Variants in CHD6 observed in about 807,000 individuals in gnomAD.
CHD6 encodes the protein ATP-dependent chromatin remodeler CHD6.
Under a neutral mutation model 276.9 loss-of-function variants are expected in CHD6, and 50 were observed. The observed-to-expected ratio is 0.18, with a 90% CI of 0.14 to 0.23. The LOEUF (loss-of-function observed/expected upper bound fraction) is 0.23, where lower values mean the gene tolerates loss of function less well. CHD6 is among the 10% of genes least tolerant of loss of function. CHD6 has a pLI of 1.00. For synonymous variants in CHD6, 1,173 were observed against 1,229.3 expected (o/e 0.95, Z 0.96); for missense variants, 2,564 against 3,365.8 (o/e 0.76, Z 5.89).
At chr20:41,407,784 A>G (rs570039558) in intron 36 of CHD6, among the ~76,000 whole-genome samples, 1 of 152,336 alleles carries the variant, frequency 6.6e-6, no homozygotes, top group Admixed American at 6.5e-5. Flanking sequence ...TGTCAGAGGC[A>G]GCAGGGAAGG....
intron 8 of CHD6, among the ~76,000 whole-genome samples, chr20:41,494,798 C>A (rs960314313): frequency 1.3e-5 from 2 of 152,184 alleles, no homozygotes; most frequent in Non-Finnish European, 2.9e-5. Flanking sequence ...CCCTGGCAAG[C>A]CTCTCAGATT....
chr20:41,493,967 G>A lies in CHD6; in HGVS notation c.1093-23C>T, dbSNP rs567901180. 66 of 1,588,412 alleles carry A rather than the reference G, an allele frequency of 4.2e-5. No individual in the cohort carries two copies. In the South Asian group the frequency reaches 6.0e-4, roughly 14 times the overall value. On this transcript the variant is annotated intron_variant, in intron 8 of 36. Transcript: ENST00000373233. The stretch of plus-strand genomic sequence containing the variant: ...AGGCTAACACAAACAGAGGAGAACA[G>A]TTAGGAAGTATGTCCCCTTGCCTCA...
rs959059042 is a variant in CHD6 at position 41,402,639 on chromosome 20, A to C, written c.*1954T>G. 1 of 220,082 alleles carries C rather than the reference A, an allele frequency of 4.5e-6. No homozygotes were observed. The highest frequency in any genetic ancestry group is 2.2e-5 in the African/African-American group (1 of 44,524). 13.6% of individuals were successfully genotyped at this position (220,082 alleles called of 1,614,324 possible). On this transcript the variant is annotated 3_prime_UTR_variant, in exon 37 of 37. Transcript: ENST00000373233. ...TATTTTAAGGATTTAGGGCAAATAC[A>C]TTTTTTTTTCTACTTGATAAAAAGA...
chr20:41,475,867 G>A (rs1392444543), intron 16 of CHD6, among the ~76,000 whole-genome samples: 3 of 152,076 alleles, frequency 2.0e-5, no homozygotes, highest in South Asian at 2.1e-4. Flanking sequence ...TAGGGAAACC[G>A]TTCCCATAAA....
intron 30 of CHD6, among the ~76,000 whole-genome samples, chr20:41,423,115 A>C (rs2047249194): frequency 6.6e-6 from 1 of 152,250 alleles, no homozygotes; most frequent in South Asian, 2.1e-4. Flanking sequence ...GTGAGGAAAT[A>C]CTTAAAGTTA....
intron 23 of CHD6, among the ~76,000 whole-genome samples, chr20:41,450,344 A>G (rs1221790833): frequency 6.6e-6 from 1 of 152,210 alleles, no homozygotes; most frequent in African/African-American, 2.4e-5. Context: ...CAAGGGTCAG[A>G]TACATTGCAC....
intron 27 of CHD6, among the ~76,000 whole-genome samples, chr20:41,428,535 A>G (rs1262544684): frequency 6.6e-6 from 1 of 152,228 alleles, no homozygotes; most frequent in African/African-American, 2.4e-5. Context: ...CTGATTGGTT[A>G]CAATGTGCAA....
chr20:41,552,971 G>GC, intron 1 of CHD6, among the ~76,000 whole-genome samples: 1 of 152,308 alleles, frequency 6.6e-6, no homozygotes, highest in East Asian at 1.9e-4. Flanking sequence ...TTATTTACCT[G>GC]AAGAATCCAT....
chr20:41,527,192 C>G lies in CHD6; in HGVS notation c.554+5858G>C, dbSNP rs751437315. On this transcript the variant is annotated intron_variant, in intron 3 of 36. Transcript: ENST00000373233. ...ATGGCTCATGCCTGTAATCCCAGCACTTTAAGAGGCCAGGCAAGCAAATCA... is the reference window on the plus strand; with the variant it reads ...ATGGCTCATGCCTGTAATCCCAGCAGTTTAAGAGGCCAGGCAAGCAAATCA... Among the ~76,000 whole-genome samples the G allele has an allele frequency of 1.0e-3, 154 of 152,162 alleles. 2 individuals carry two copies. The highest frequency in any genetic ancestry group is 1.3e-3 in the Non-Finnish European group (88 of 68,034).
intron 1 of CHD6, among the ~76,000 whole-genome samples, chr20:41,581,998 T>C (rs2045545524): frequency 6.6e-6 from 1 of 152,194 alleles, no homozygotes. Flanking sequence ...CCTCACTTCT[T>C]ACTTGAGTGC....
chr20:41,481,120 A>AAAATAT (rs1555901068), intron 16 of CHD6, among the ~76,000 whole-genome samples: 62 of 150,212 alleles, frequency 4.1e-4, no homozygotes, highest in Middle Eastern at 3.4e-3. Context: ...AAGAAAAAAA[A>AAAATAT]ATATATATAT....
chr20:41,617,989 G>C (rs1317717941), intron 1 of CHD6, among the ~76,000 whole-genome samples: 1 of 145,362 alleles, frequency 6.9e-6, no homozygotes, highest in African/African-American at 2.5e-5. Context: ...CGCCAGGCCC[G>C]CGGCCGGGGT....
chr20:41,412,890 C>T (rs2046883888), intron 35 of CHD6, among the ~76,000 whole-genome samples: 1 of 152,134 alleles, frequency 6.6e-6, no homozygotes, highest in South Asian at 2.1e-4. Context: ...CCCCAACCAC[C>T]GCAAATGGAA....
Position 41,415,531 on chromosome 20 carries a change from A to G in CHD6, c.6594T>C (p.Ser2198=). Residue 2198 remains serine, a synonymous_variant, in exon 34 of 37, where the codon TCT becomes TCC. Transcript: ENST00000373233. ...TGATAGGGGTGTGCCCGTGGGTGGCAGAGAACTGCTCCAGGCCCCGAGCCT... is the reference window on the plus strand; with the variant it reads ...TGATAGGGGTGTGCCCGTGGGTGGCGGAGAACTGCTCCAGGCCCCGAGCCT... ...DAKARGLEQF[S]ATHGHTPIIL... The G allele has an allele frequency of 1.2e-6, 2 of 1,614,200 alleles. No homozygotes were observed. Among genetic ancestry groups the G allele is most frequent in the African/African-American group, 2.7e-5 (2 of 75,070 alleles).
At chr20:41,438,804 C>G (rs1342714229) in intron 26 of CHD6, among the ~76,000 whole-genome samples, 1 of 152,166 alleles carries the variant, frequency 6.6e-6, no homozygotes, top group Non-Finnish European at 1.5e-5. Context: ...ACATGAGAAT[C>G]ACCAGTCATA....
Position 41,497,540 on chromosome 20 carries a change from C to G in CHD6, c.975-39G>C, listed in dbSNP as rs202129969. ...TACAAATTGTCAGGCAAGCACATAA[C>G]TAGCAAATGATCGAGCTTTAAGGTG... On this transcript the variant is annotated intron_variant, in intron 7 of 36. Transcript: ENST00000373233. The G allele has an allele frequency of 1.4e-3, 1,948 of 1,357,994 alleles. 3 individuals carry two copies. Among genetic ancestry groups the G allele is most frequent in the Non-Finnish European group, 1.8e-3 (1,664 of 946,032 alleles). The allele number at this position is 1,357,994 out of a possible 1,614,324, so 84.1% of individuals were successfully genotyped here.
intron 19 of CHD6, among the ~76,000 whole-genome samples, chr20:41,455,576 C>T (rs890950555): frequency 1.3e-5 from 2 of 152,296 alleles, no homozygotes; most frequent in Admixed American, 6.5e-5. Context: ...TAAAGATCAG[C>T]TCTCAAAGGT....
Position 41,404,985 on chromosome 20 carries a change from C to T in CHD6, c.7756G>A (p.Asp2586Asn), listed in dbSNP as rs1569035395. The change falls in exon 37 of 37, where the codon GAC becomes AAC. Residue 2586 changes from aspartate (D) to asparagine (N), a missense_variant. Asp to Asn is a conservative substitution (Grantham distance 23). Coordinates refer to ENST00000373233, the MANE Select transcript of CHD6 (RefSeq NM_032221.5). Reference sequence around the variant, plus strand: ...GAAAATGGACCTGGACCAGGCTTGTCCTCAGCTAAAGTGTCTGTTTTCACA... The same window carrying T: ...GAAAATGGACCTGGACCAGGCTTGTTCTCAGCTAAAGTGTCTGTTTTCACA... ...HDVKTDTLAE[D>N]KPGPGPFSDQ... The T allele has an allele frequency of 1.9e-6, 3 of 1,614,214 alleles. No individual in the cohort carries two copies. Among genetic ancestry groups the T allele is most frequent in the Admixed American group, 1.7e-5 (1 of 60,026 alleles).
intron 36 of CHD6, among the ~76,000 whole-genome samples, chr20:41,408,419 T>C (rs1482380254): frequency 6.6e-6 from 1 of 152,210 alleles, no homozygotes; most frequent in Non-Finnish European, 1.5e-5. Context: ...ACGCAATTCC[T>C]GGCTGGTTCC....
Sources: gnomAD v4.1 joint callset for allele counts (sites outside exome capture counted in the v4.1 genomes callset) on GRCh38, gnomAD v4.1.1 for gene constraint, MANE v1.5 for transcripts, NCBI Gene and HGNC (gene_info 2026-07-23, HGNC 2026-07-21) for gene names.